The following GGT1 variants were observed in gnomAD, a reference collection of about 807,000 sequenced individuals.
GGT1 encodes the protein glutathione hydrolase 1 proenzyme.
A neutral mutation model predicts 56.0 loss-of-function variants in GGT1; 21 were observed. The observed-to-expected ratio is 0.38, with a 90% CI of 0.27 to 0.54. GGT1 has a LOEUF of 0.54. Among genes scored for constraint, GGT1 ranks in the 20% least tolerant of loss-of-function variants. The probability of loss-of-function intolerance (pLI) is 0.82; values close to 1 mark genes in which losing one functional copy is unlikely to be tolerated. For synonymous variants in GGT1, 238 were observed against 342.6 expected (o/e 0.69, Z 3.37); for missense variants, 466 against 787.0 (o/e 0.59, Z 4.88).
Position 24,614,807 on chromosome 22 carries a change from G to C in GGT1, c.196G>C (p.Asp66His), listed in dbSNP as rs1601706615. The C allele has an allele frequency of 6.2e-7, 1 of 1,613,530 alleles. No individual in the cohort carries two copies. Among genetic ancestry groups the C allele is most frequent in the Non-Finnish European group, 8.5e-7 (1 of 1,179,776 alleles). ...ACTGCGGGACGGTGGCTCTGCGGTG[G>C]ATGCAGCCATTGCAGCCCTGTTGTG... ...DALRDGGSAV[D>H]AAIAALLCVG... The change falls in exon 6 of 16, where the codon GAT (aspartate) becomes CAT (histidine). Residue 66 changes from aspartate to histidine, a missense_variant. This residue lies in a region of GGT1 where 456 missense variants were observed against 716.7 expected (regional missense o/e 0.64). Coordinates refer to ENST00000400382, the MANE Select transcript of GGT1 (RefSeq NM_001288833.2).
At chr22:24,600,134 G>T (rs544951903), upstream of GGT1, among the ~76,000 whole-genome samples, 1 of 152,248 alleles carries the variant, frequency 6.6e-6, no homozygotes, top group Admixed American at 6.5e-5. Flanking sequence ...CAGGAGGGGG[G>T]CCCTTTGGGC....
intron 7 of GGT1, among the ~76,000 whole-genome samples, chr22:24,619,072 G>A (rs555536383): frequency 3.3e-4 from 50 of 152,222 alleles, no homozygotes; most frequent in African/African-American, 1.2e-3. Flanking sequence ...TCTTGGCAAC[G>A]TAGCAAGACC....
upstream of GGT1, among the ~76,000 whole-genome samples, chr22:24,590,419 G>T (rs1163822872): frequency 6.6e-5 from 10 of 152,168 alleles, no homozygotes; most frequent in South Asian, 2.1e-3. Flanking sequence ...CAGCCTTGGA[G>T]GACCCTTTGG....
At chr22:24,619,071 C>A (rs540097741) in intron 7 of GGT1, among the ~76,000 whole-genome samples, 2 of 151,892 alleles carry the variant, frequency 1.3e-5, no homozygotes, top group South Asian at 4.2e-4. Context: ...GTCTTGGCAA[C>A]GTAGCAAGAC....
rs2045830596 is a variant in GGT1, at chr22:24,603,502, G to A, written c.-454G>A. 6.6e-6 allele frequency: 1 copy of A among 152,326 alleles called. No individual in the cohort carries two copies. The highest frequency in any genetic ancestry group is 1.5e-5 in the Non-Finnish European group (1 of 68,134). The allele number at this position is 152,326 out of a possible 1,614,324, so 9.4% of individuals were successfully genotyped here. ...GGTGAAGGGGGCAAGACTTGTGTGG[G>A]CGCATCCTGCAGAAGGATCCCACAG... On this transcript the variant is annotated 5_prime_UTR_variant, in exon 1 of 16. Transcript: ENST00000400382.
intron 11 of GGT1, among the ~76,000 whole-genome samples, chr22:24,626,014 TCTGTCCCCCAGG>T (rs1243789702): frequency 2.2e-5 from 3 of 134,072 alleles, no homozygotes; most frequent in African/African-American, 3.3e-5. Context: ...GGAGTCTCGC[TCTGTCCCCCAGG>T]CTGTCCCCCA....
chr22:24,588,611 GC>G, the GGT1 span: 2 of 1,024,618 alleles, frequency 2.0e-6, no homozygotes, highest in Non-Finnish European at 2.5e-6. Flanking sequence ...CTGTCCTCGG[GC>G]CCAGGGCCAG....
In GGT1 at chr22:24,605,146, A is replaced by AT. The variant is rs1428492507; in HGVS notation, c.-429+1619_-429+1620insT. ...ATATGTAATATATTATATAATATAT[A>AT]ATATGTATTATATTATATATTATAT... On this transcript the variant is annotated intron_variant, in intron 1 of 15. Transcript: ENST00000400382. Among the ~76,000 whole-genome samples, 2 of 80,962 alleles carry AT rather than the reference A, an allele frequency of 2.5e-5. 1 individual carries two copies. Among genetic ancestry groups the AT allele is most frequent in the African/African-American group, 1.2e-4 (2 of 16,232 alleles). 53.1% of individuals were successfully genotyped at this position (80,962 alleles called of 152,430 possible).
chr22:24,606,272 T>C (rs1259661603), intron 1 of GGT1, among the ~76,000 whole-genome samples: 1 of 151,022 alleles, frequency 6.6e-6, no homozygotes, highest in African/African-American at 2.4e-5. Flanking sequence ...TATCTCCTAA[T>C]GCTATCCCTC....
intron 5 of GGT1, among the ~76,000 whole-genome samples, chr22:24,612,331 T>G (rs2046765273): frequency 6.6e-6 from 1 of 150,674 alleles, no homozygotes; most frequent in Admixed American, 6.6e-5. Flanking sequence ...ACTTTAAGTT[T>G]TAGGGTACAT....
chr22:24,597,977 A>G (rs1266194094), intron 1 of GGT1: 2 of 152,226 alleles, frequency 1.3e-5, no homozygotes, highest in Non-Finnish European at 2.9e-5. Flanking sequence ...ACTGGCTTCT[A>G]GTTGGGGTTC....
chr22:24,610,669 G>A (rs548246500), intron 4 of GGT1, 138 bp downstream of exon 4: 3 of 219,572 alleles, frequency 1.4e-5, no homozygotes, highest in East Asian at 1.1e-4. Flanking sequence ...GCTGGGGTGG[G>A]GGACACAGGA....
chr22:24,588,963 A>T, the GGT1 span: 1 of 1,009,056 alleles, frequency 9.9e-7, no homozygotes, highest in Non-Finnish European at 1.2e-6. Flanking sequence ...AGCATGCTCC[A>T]CTGCATCCTT....
chr22:24,586,552 A>G, the GGT1 span: 1 of 999,130 alleles, frequency 1.0e-6, no homozygotes, highest in Non-Finnish European at 1.5e-6. Flanking sequence ...ATTTTTTGAG[A>G]CAAAGTTTCG....
chr22:24,592,465 A>C, upstream of GGT1: 1 of 465,848 alleles, frequency 2.1e-6, no homozygotes, highest in Non-Finnish European at 4.5e-6. Context: ...GTCTCTCAAT[A>C]CAAGATGATT....
rs754060808 is a variant in GGT1, at chr22:24,614,802, C to T, written c.191C>T (p.Ala64Val). The change falls in exon 6 of 16, where the codon GCG becomes GTG. Residue 64 changes from alanine to valine, a missense_variant. Ala to Val is a moderately conservative substitution (Grantham distance 64). Around this residue, in one of 2 missense-constraint regions of GGT1, gnomAD observed 456 missense variants for 716.7 expected, o/e 0.64. Coordinates refer to ENST00000400382, the MANE Select transcript of GGT1 (RefSeq NM_001288833.2). The stretch of plus-strand genomic sequence containing the variant: ...GATGCACTGCGGGACGGTGGCTCTG[C>T]GGTGGATGCAGCCATTGCAGCCCTG... ...GRDALRDGGS[A>V]VDAAIAALLC... 14 of 1,613,366 alleles carry T rather than the reference C, an allele frequency of 8.7e-6. No individual in the cohort carries two copies. The highest frequency in any genetic ancestry group is 1.7e-5 in the Admixed American group (1 of 59,980).
intron 1 of GGT1, among the ~76,000 whole-genome samples, chr22:24,597,674 C>T (rs1284975482): frequency 1.4e-3 from 1 of 734 alleles, no homozygotes; most frequent in African/African-American, 1.6e-3. Context: ...GAGTGAGACT[C>T]CATCTCAAAA....
intron 5 of GGT1, 69 bp downstream of exon 5, chr22:24,611,314 C>A (rs1318015378): frequency 1.1e-5 from 10 of 933,370 alleles, no homozygotes; most frequent in African/African-American, 1.6e-5. Flanking sequence ...ATACCTTCAC[C>A]CCCCTGAGAC....
Position 24,610,295 on chromosome 22 carries a change from A to G in GGT1, c.-244A>G, listed in dbSNP as rs2046575979. The stretch of plus-strand genomic sequence containing the variant: ...AACCAGCTAGAGGCAGAGGGAGGTA[A>G]CACGGAGTCCCCCAGAAAGGTCTGG... On this transcript the variant is annotated 5_prime_UTR_variant, in exon 4 of 16. Coordinates refer to ENST00000400382, the MANE Select transcript of GGT1 (RefSeq NM_001288833.2). 3.3e-6 allele frequency: 1 copy of G among 303,476 alleles called. No individual in the cohort carries two copies. Among genetic ancestry groups the G allele is most frequent in the South Asian group, 2.6e-5 (1 of 37,894 alleles). 18.8% of individuals were successfully genotyped at this position (303,476 alleles called of 1,614,324 possible). A position where few individuals can be genotyped will look rare whatever the true frequency, so the allele number is the denominator to read the frequency against.
Sources: gnomAD v4.1 joint callset for allele counts (sites outside exome capture counted in the v4.1 genomes callset) on GRCh38, gnomAD v4.1.1 for gene constraint, gnomAD v4.1.1 regional missense constraint, MANE v1.5 for transcripts, NCBI Gene and HGNC (gene_info 2026-07-23, HGNC 2026-07-21) for gene names.